The following SULT1E1 variants were observed in gnomAD, a reference collection of about 807,000 sequenced individuals.
SULT1E1 encodes the protein sulfotransferase family 1E member 1.
A neutral mutation model predicts 33.6 loss-of-function variants in SULT1E1; 36 were observed. The observed-to-expected ratio is 1.07, with a 90% CI of 0.82 to 1.41. The LOEUF is 1.41. Among genes scored for constraint, SULT1E1 ranks in the 40% most tolerant of loss-of-function variants. The pLI is 0.00. For missense variants in SULT1E1, 371 were observed against 345.7 expected, an observed-to-expected ratio of 1.07 and a Z score of -0.58; for synonymous variants, 121 against 111.7, an observed-to-expected ratio of 1.08 and a Z score of -0.53.
chr4:69,824,290 C>T, the SULT1E1 span, among the ~76,000 whole-genome samples: 1 of 152,178 alleles, frequency 6.6e-6, no homozygotes, highest in East Asian at 1.9e-4. Context: ...GATAAGTATG[C>T]CACCAGGCAG....
chr4:69,844,039 A>G, intron 7 of SULT1E1, 122 bp downstream of exon 7: 1 of 825,304 alleles, frequency 1.2e-6, no homozygotes, highest in Non-Finnish European at 2.0e-6. Flanking sequence ...TCAAATATGA[A>G]AGACTGCTGA....
chr4:69,830,025 C>T, the SULT1E1 span, among the ~76,000 whole-genome samples: 30 of 152,294 alleles, frequency 2.0e-4, no homozygotes, highest in South Asian at 5.8e-3. Context: ...ATACGATGGC[C>T]CAGACCATTC....
At chr4:69,825,424 C>A in the SULT1E1 span, among the ~76,000 whole-genome samples, 1 of 152,198 alleles carries the variant, frequency 6.6e-6, no homozygotes, top group African/African-American at 2.4e-5. Flanking sequence ...AAGGGACAAT[C>A]ACCAAGTGGT....
intron 6 of SULT1E1, 68 bp from the exon 7 acceptor site, chr4:69,844,409 G>GA (rs1720936069): frequency 3.1e-5 from 39 of 1,245,924 alleles, no homozygotes; most frequent in Non-Finnish European, 4.1e-5. Flanking sequence ...AAATGAAAGA[G>GA]AAAAAATAAA....
At chr4:69,850,516 C>T (rs1560556240) in intron 4 of SULT1E1, among the ~76,000 whole-genome samples, 1 of 151,990 alleles carries the variant, frequency 6.6e-6, no homozygotes, top group African/African-American at 2.4e-5. Context: ...CGTTTTATAG[C>T]CCTCTTGTAA....
At chr4:69,824,386 C>A in the SULT1E1 span, among the ~76,000 whole-genome samples, 6 of 152,166 alleles carry the variant, frequency 3.9e-5, no homozygotes, top group African/African-American at 1.4e-4. Context: ...TTAGTTAGAT[C>A]TGGCAGCCCT....
downstream of SULT1E1, among the ~76,000 whole-genome samples, chr4:69,840,043 T>G (rs1720855348): frequency 6.6e-6 from 1 of 152,196 alleles, no homozygotes; most frequent in Non-Finnish European, 1.5e-5. Context: ...TATTGGACAT[T>G]ATAATGTGAA....
rs1401619257 is a variant in SULT1E1 at position 69,841,753 on chromosome 4, A to T, written c.*241T>A. ...CTACTTGGGAGGCTGAGATGGGAGG[A>T]TCAATTGAGTCAAGGAGGTCAAGGC... is the stretch of plus-strand genomic sequence containing the variant. On this transcript the variant is annotated 3_prime_UTR_variant, in exon 8 of 8. Coordinates refer to ENST00000226444, the MANE Select transcript of SULT1E1 (RefSeq NM_005420.3). 3.2e-6 allele frequency: 1 copy of T among 316,158 alleles called. No homozygotes were observed. Among genetic ancestry groups the T allele is most frequent in the African/African-American group, 2.2e-5 (1 of 44,814 alleles). 19.6% of individuals were successfully genotyped at this position (316,158 alleles called of 1,614,324 possible).
chr4:69,851,809 T>A (rs1721118805), intron 4 of SULT1E1, among the ~76,000 whole-genome samples: 1 of 151,992 alleles, frequency 6.6e-6, no homozygotes, highest in Non-Finnish European at 1.5e-5. Flanking sequence ...AAAGAATGAG[T>A]TCATGTCCTT....
At chr4:69,822,246 C>T in the SULT1E1 span, among the ~76,000 whole-genome samples, 4 of 152,260 alleles carry the variant, frequency 2.6e-5, no homozygotes, top group East Asian at 5.8e-4. Context: ...AAGGTAGGTA[C>T]TATTATTACC....
intron 6 of SULT1E1, among the ~76,000 whole-genome samples, chr4:69,846,305 CAAA>C (rs34408656): frequency 4.7e-5 from 5 of 107,012 alleles, no homozygotes; most frequent in Admixed American, 1.0e-4. Flanking sequence ...ACAAAACAAT[CAAA>C]AAAAAAAAAA....
the SULT1E1 span, among the ~76,000 whole-genome samples, chr4:69,826,312 C>T: frequency 6.6e-6 from 1 of 152,044 alleles, no homozygotes; most frequent in South Asian, 2.1e-4. Flanking sequence ...CGGTAAGGGC[C>T]ACTAAATCTG....
At chr4:69,835,801 T>A in the SULT1E1 span, among the ~76,000 whole-genome samples, 17 of 152,154 alleles carry the variant, frequency 1.1e-4, no homozygotes, top group Non-Finnish European at 2.2e-4. Flanking sequence ...TTTATGTTAT[T>A]TTTATTTTTG....
intron 4 of SULT1E1, among the ~76,000 whole-genome samples, chr4:69,852,252 G>A (rs1721139946): frequency 1.3e-5 from 2 of 152,016 alleles, no homozygotes; most frequent in Non-Finnish European, 2.9e-5. Flanking sequence ...CTGCCTCATG[G>A]TTTCACTCTC....
At chr4:69,856,840 G>C (rs1414365328) in intron 2 of SULT1E1, among the ~76,000 whole-genome samples, 1 of 145,440 alleles carries the variant, frequency 6.9e-6, no homozygotes, top group African/African-American at 2.5e-5. Flanking sequence ...GGAGGCTGAG[G>C]AAGGAGAATG....
chr4:69,839,468 A>G (rs1720844123), downstream of SULT1E1, among the ~76,000 whole-genome samples: 1 of 152,148 alleles, frequency 6.6e-6, no homozygotes, highest in Admixed American at 6.6e-5. Flanking sequence ...GGGCAGATTA[A>G]TTGAGTTTTC....
At chr4:69,829,221 C>T in the SULT1E1 span, among the ~76,000 whole-genome samples, 1 of 152,156 alleles carries the variant, frequency 6.6e-6, no homozygotes, top group Non-Finnish European at 1.5e-5. Flanking sequence ...CTGCATTAGC[C>T]TATATTCACT....
chr4:69,833,936 T>C, the SULT1E1 span, among the ~76,000 whole-genome samples: 2 of 152,238 alleles, frequency 1.3e-5, no homozygotes, highest in Admixed American at 1.3e-4. Flanking sequence ...TAATTGTATT[T>C]GCCTTCCCTA....
At chr4:69,837,684 A>T (rs1033843263), downstream of SULT1E1, among the ~76,000 whole-genome samples, 2 of 152,188 alleles carry the variant, frequency 1.3e-5, no homozygotes, top group African/African-American at 4.8e-5. Context: ...AAAAATTACA[A>T]GAATCTCAAA....
Sources: gnomAD v4.1 joint callset for allele counts (sites outside exome capture counted in the v4.1 genomes callset) on GRCh38, gnomAD v4.1.1 for gene constraint, MANE v1.5 for transcripts, NCBI Gene and HGNC (gene_info 2026-07-23, HGNC 2026-07-21) for gene names.